Variants in OR2L13 observed in about 807,000 individuals in gnomAD.
OR2L13 encodes olfactory receptor family 2 subfamily L member 13, also known as olfactory receptor 2L13.
A neutral mutation model predicts 15.3 loss-of-function variants in OR2L13; 14 were observed. The ratio of observed to expected loss-of-function variants is 0.91; its 90% CI spans 0.60 to 1.43. The LOEUF is 1.43. Ranked by LOEUF, OR2L13 falls within the 40% of genes most tolerant of loss-of-function variation. The pLI is 0.00. For synonymous variants in OR2L13, 152 were observed against 142.9 expected (o/e 1.06, Z -0.45); for missense variants, 367 against 387.9 (o/e 0.95, Z 0.45).
At chr1:248,004,051 C>G in the OR2L13 span, 1 of 1,610,224 alleles carries the variant, frequency 6.2e-7, no homozygotes. Flanking sequence ...GTCAGAGAAT[C>G]TGCTCTGTGA....
At chr1:247,967,876 G>GTCCTTCCTTCCTCC in the OR2L13 span, among the ~76,000 whole-genome samples, 1 of 149,530 alleles carries the variant, frequency 6.7e-6, no homozygotes, top group Non-Finnish European at 1.5e-5. Flanking sequence ...TCTCCTCCTC[G>GTCCTTCCTTCCTCC]TCCTTCCTTC....
chr1:248,039,592 T>G, the OR2L13 span: 1 of 160,938 alleles, frequency 6.2e-6, no homozygotes, highest in Non-Finnish European at 1.4e-5. Flanking sequence ...TGCCTGTTTT[T>G]TTTTTAATCA....
chr1:248,099,814 T>C, exon 3 of OR2L13: 1 of 1,614,146 alleles, frequency 6.2e-7, no homozygotes, highest in Non-Finnish European at 8.5e-7. Context: ...GATTGGAGGC[T>C]CTTGGACACT....
the OR2L13 span, chr1:248,040,348 A>G: frequency 2.9e-4 from 44 of 152,276 alleles, no homozygotes; most frequent in Non-Finnish European, 5.4e-4. Context: ...AGGAAGGTAG[A>G]ATGAGCAAGT....
chr1:247,960,067 G>C, the OR2L13 span, among the ~76,000 whole-genome samples: 1 of 152,116 alleles, frequency 6.6e-6, no homozygotes, highest in Admixed American at 6.5e-5. Flanking sequence ...CCATCTTTGT[G>C]GTTTTATCTA....
chr1:248,100,036 C>T (rs1558224167), exon 3 of OR2L13: 2 of 1,614,112 alleles, frequency 1.2e-6, no homozygotes, highest in Non-Finnish European at 1.7e-6. Context: ...TGGCCGAGTC[C>T]TATTTGCTGT....
the OR2L13 span, among the ~76,000 whole-genome samples, chr1:248,056,304 C>A: frequency 6.6e-6 from 1 of 151,728 alleles, no homozygotes; most frequent in Admixed American, 6.6e-5. Context: ...TTTCAAAAAC[C>A]AGCTCCTGGA....
At chr1:248,061,300 G>A in the OR2L13 span, 37 of 1,612,412 alleles carry the variant, frequency 2.3e-5, no homozygotes, top group Middle Eastern at 1.6e-4. Context: ...CATCTTTCTC[G>A]TGTTTCCCTT....
chr1:247,968,016 G>A, the OR2L13 span, among the ~76,000 whole-genome samples: 1 of 151,024 alleles, frequency 6.6e-6, no homozygotes, highest in Non-Finnish European at 1.5e-5. Context: ...TCTCATTACT[G>A]TGTATCATAT....
the OR2L13 span, among the ~76,000 whole-genome samples, chr1:248,016,827 TTGTG>T: frequency 6.6e-6 from 1 of 152,026 alleles, no homozygotes; most frequent in Non-Finnish European, 1.5e-5. Context: ...ATATGTGTGT[TTGTG>T]TGTGATGTAG....
At chr1:248,019,935 G>A in the OR2L13 span, among the ~76,000 whole-genome samples, 27 of 152,060 alleles carry the variant, frequency 1.8e-4, 1 homozygote, top group African/African-American at 6.3e-4. Flanking sequence ...CTACTGGTGC[G>A]AGCCACCACC....
At chr1:247,974,271 G>A in the OR2L13 span, among the ~76,000 whole-genome samples, 4 of 151,930 alleles carry the variant, frequency 2.6e-5, no homozygotes, top group African/African-American at 4.8e-5. Flanking sequence ...GAACCTTTGT[G>A]GGGGGGCCAA....
At chr1:248,076,556 C>G in the OR2L13 span, among the ~76,000 whole-genome samples, 1 of 152,102 alleles carries the variant, frequency 6.6e-6, no homozygotes, top group South Asian at 2.1e-4. Context: ...TGAAAAGGTC[C>G]TTCATATCCC....
At chr1:247,965,403 GA>G in the OR2L13 span, 1 of 1,610,762 alleles carries the variant, frequency 6.2e-7, no homozygotes, top group Non-Finnish European at 8.5e-7. Flanking sequence ...AAAGTTTTGG[GA>G]CAGATTTTCT....
the OR2L13 span, among the ~76,000 whole-genome samples, chr1:247,944,679 G>A: frequency 1.8e-3 from 272 of 152,234 alleles, 1 homozygote; most frequent in African/African-American, 6.1e-3. Context: ...TGGTGTATAC[G>A]TACCACAATT....
the OR2L13 span, among the ~76,000 whole-genome samples, chr1:247,960,984 C>T: frequency 3.9e-5 from 6 of 152,128 alleles, no homozygotes; most frequent in Non-Finnish European, 8.8e-5. Context: ...GAGATGAACC[C>T]GGTACCTCAG....
At chr1:248,020,471 A>G in the OR2L13 span, among the ~76,000 whole-genome samples, 1 of 152,312 alleles carries the variant, frequency 6.6e-6, no homozygotes, top group South Asian at 2.1e-4. Context: ...GCAAAGACAC[A>G]GAATACACAT....
the OR2L13 span, among the ~76,000 whole-genome samples, chr1:248,034,542 G>C: frequency 6.6e-6 from 1 of 152,100 alleles, no homozygotes; most frequent in Non-Finnish European, 1.5e-5. Context: ...AGATTCCATT[G>C]AATCTTTAAG....
the OR2L13 span, among the ~76,000 whole-genome samples, chr1:247,950,689 C>T: frequency 6.6e-6 from 1 of 151,886 alleles, no homozygotes; most frequent in African/African-American, 2.4e-5. Context: ...TACCTAGGAC[C>T]TAAAAATTTT....
Sources: gnomAD v4.1 joint callset for allele counts (sites outside exome capture counted in the v4.1 genomes callset) on GRCh38, gnomAD v4.1.1 for gene constraint, MANE v1.5 for transcripts, NCBI Gene and HGNC (gene_info 2026-07-23, HGNC 2026-07-21) for gene names.